Variants in ARB2A observed in about 807,000 individuals in gnomAD.
ARB2A encodes ARB2 cotranscriptional regulator A, also known as cotranscriptional regulator ARB2A.
the ARB2A span, among the ~76,000 whole-genome samples, chr5:93,668,914 A>T: frequency 1.3e-5 from 2 of 152,190 alleles, no homozygotes; most frequent in East Asian, 3.8e-4. Context: ...AGGTCTGTCG[A>T]TCTGCCATGG....
the ARB2A span, among the ~76,000 whole-genome samples, chr5:93,898,013 T>C: frequency 6.6e-6 from 1 of 151,854 alleles, no homozygotes; most frequent in Non-Finnish European, 1.5e-5. Flanking sequence ...AACTCCCAGG[T>C]CATTCTAGCA....
chr5:93,695,555 A>G, the ARB2A span, among the ~76,000 whole-genome samples: 1 of 152,154 alleles, frequency 6.6e-6, no homozygotes, highest in East Asian at 1.9e-4. Context: ...GAGAGGATGT[A>G]GAGAAATAGG....
the ARB2A span, among the ~76,000 whole-genome samples, chr5:93,773,728 T>C: frequency 0.033 from 4,986 of 152,252 alleles, 112 homozygotes; most frequent in Non-Finnish European, 0.049. Flanking sequence ...TGTCTCCCTG[T>C]GCTAATAAAC....
the ARB2A span, among the ~76,000 whole-genome samples, chr5:93,874,751 G>T: frequency 6.6e-6 from 1 of 152,086 alleles, no homozygotes; most frequent in Non-Finnish European, 1.5e-5. Context: ...TTGTGAAACT[G>T]AACTCTTTAG....
chr5:93,835,279 T>C, the ARB2A span, among the ~76,000 whole-genome samples: 1 of 152,224 alleles, frequency 6.6e-6, no homozygotes, highest in Non-Finnish European at 1.5e-5. Flanking sequence ...TGGAATTATC[T>C]AAACAACATT....
At chr5:93,737,244 G>C in the ARB2A span, 1 of 152,062 alleles carries the variant, frequency 6.6e-6, no homozygotes, top group Non-Finnish European at 1.5e-5. Flanking sequence ...AAAGTGAAAG[G>C]CTTGTACACT....
chr5:93,889,951 A>G, the ARB2A span, among the ~76,000 whole-genome samples: 1 of 151,966 alleles, frequency 6.6e-6, no homozygotes, highest in Non-Finnish European at 1.5e-5. Context: ...GAGACAGTCA[A>G]CAAGTCATAG....
At chr5:94,004,999 A>AGT in the ARB2A span, among the ~76,000 whole-genome samples, 1,874 of 69,906 alleles carry the variant, frequency 0.027, 72 homozygotes, top group African/African-American at 0.1. Context: ...TTTTATCAGC[A>AGT]AAAAAAAAAA....
chr5:93,948,911 C>T, the ARB2A span, among the ~76,000 whole-genome samples: 1 of 152,266 alleles, frequency 6.6e-6, no homozygotes, highest in African/African-American at 2.4e-5. Context: ...CTGATTCTTC[C>T]CTCTACTCAT....
At chr5:93,781,168 C>T in the ARB2A span, among the ~76,000 whole-genome samples, 1 of 152,090 alleles carries the variant, frequency 6.6e-6, no homozygotes, top group Non-Finnish European at 1.5e-5. Context: ...CATCTTCCAC[C>T]TTCCACCTTT....
At chr5:93,784,469 T>C in the ARB2A span, 8 of 1,612,930 alleles carry the variant, frequency 5.0e-6, no homozygotes, top group Non-Finnish European at 5.9e-6. Flanking sequence ...GCAGTTACCT[T>C]ATTTTTTACA....
At chr5:94,003,257 T>C in the ARB2A span, among the ~76,000 whole-genome samples, 1 of 152,160 alleles carries the variant, frequency 6.6e-6, no homozygotes, top group Non-Finnish European at 1.5e-5. Context: ...TTATATTTAA[T>C]GGCAAAAGAC....
the ARB2A span, among the ~76,000 whole-genome samples, chr5:93,644,268 T>C: frequency 6.6e-6 from 1 of 152,212 alleles, no homozygotes; most frequent in South Asian, 2.1e-4. Flanking sequence ...CTTACTTCTT[T>C]CTGAAAGTAA....
the ARB2A span, among the ~76,000 whole-genome samples, chr5:94,056,582 G>T: frequency 6.6e-6 from 1 of 152,062 alleles, no homozygotes; most frequent in Non-Finnish European, 1.5e-5. Flanking sequence ...GATATGACAC[G>T]ACTGTTTTTA....
At chr5:94,018,498 T>C in the ARB2A span, among the ~76,000 whole-genome samples, 2 of 152,144 alleles carry the variant, frequency 1.3e-5, no homozygotes, top group African/African-American at 2.4e-5. Context: ...TACCAAAAAC[T>C]GAAGAGCAAG....
the ARB2A span, chr5:93,740,590 A>G: frequency 1.9e-6 from 3 of 1,593,134 alleles, no homozygotes; most frequent in Admixed American, 5.1e-5. Flanking sequence ...AAATCTGAGG[A>G]GGCCCAGAGT....
chr5:93,981,706 G>A, the ARB2A span, among the ~76,000 whole-genome samples: 1 of 151,834 alleles, frequency 6.6e-6, no homozygotes, highest in Non-Finnish European at 1.5e-5. Flanking sequence ...TAGGGTGAAA[G>A]GGTAGCTAAT....
chr5:94,004,518 C>T, the ARB2A span, among the ~76,000 whole-genome samples: 1 of 151,182 alleles, frequency 6.6e-6, no homozygotes, highest in East Asian at 2.0e-4. Context: ...GGAGGTAGAG[C>T]TTGTAGTGAG....
the ARB2A span, among the ~76,000 whole-genome samples, chr5:93,851,541 G>A: frequency 1.3e-5 from 2 of 152,122 alleles, no homozygotes; most frequent in South Asian, 4.1e-4. Context: ...CCATGCTGGT[G>A]TGCTGCACCC....
Sources: allele counts gnomAD v4.1 joint callset (sites outside exome capture counted in the v4.1 genomes callset), GRCh38; gene constraint gnomAD v4.1.1; transcripts MANE v1.5; gene names NCBI Gene and HGNC (gene_info 2026-07-23, HGNC 2026-07-21).